ANO2: variants seen among roughly 807,000 people sequenced by gnomAD.
ANO2 encodes anoctamin-2.
ANO2 carries 101 observed loss-of-function variants against 124.2 expected under a neutral mutation model. The ratio of observed to expected loss-of-function variants is 0.81; its 90% CI spans 0.69 to 0.96. The LOEUF is 0.96. Among genes scored for constraint, ANO2 ranks in the 40% least tolerant of loss-of-function variants. The pLI is 0.00. For missense variants in ANO2, 1,293 were observed against 1,274.5 expected, an observed-to-expected ratio of 1.01 and a Z score of -0.22; for synonymous variants, 486 against 482.5, an observed-to-expected ratio of 1.01 and a Z score of -0.09.
chr12:5,667,699 A>AC (rs1225563437), intron 14 of ANO2, among the ~76,000 whole-genome samples: 8 of 151,384 alleles, frequency 5.3e-5, no homozygotes, highest in African/African-American at 1.9e-4. Flanking sequence ...TGCTCTCCCT[A>AC]CCCCCTTCCA....
At chr12:5,690,715 C>T (rs1948894908) in intron 14 of ANO2, among the ~76,000 whole-genome samples, 1 of 152,116 alleles carries the variant, frequency 6.6e-6, no homozygotes, top group South Asian at 2.1e-4. Context: ...ATGACTCTTC[C>T]CTTGAGAAAG....
intron 3 of ANO2, among the ~76,000 whole-genome samples, chr12:5,875,281 C>A (rs1310826838): frequency 6.6e-6 from 1 of 152,206 alleles, no homozygotes; most frequent in Non-Finnish European, 1.5e-5. Context: ...CTAGGACAGA[C>A]CATGAGATAC....
intron 19 of ANO2, among the ~76,000 whole-genome samples, chr12:5,601,504 CCTGT>C (rs1267983199): frequency 6.6e-6 from 1 of 151,794 alleles, no homozygotes. Context: ...TGGTTGTGAT[CCTGT>C]CTGTGAGTCA....
chr12:5,733,703 A>G lies in ANO2; in HGVS notation c.1435-1073T>C, dbSNP rs151103807. 3.9e-5 allele frequency among the ~76,000 whole-genome samples: 6 copies of G among 152,326 alleles called. No individual in the cohort carries two copies. The East Asian group carries it at 1.2e-3, about 29-fold the overall frequency. On this transcript the variant is annotated intron_variant, in intron 13 of 24. Transcript: ENST00000682330. ...ATGTAAGTGACTAACAAGCATAACT[A>G]AAACAACTGCAGGCGGTGCCATTCT...
At chr12:5,837,817 G>A (rs1238110882) in intron 4 of ANO2, among the ~76,000 whole-genome samples, 1 of 151,698 alleles carries the variant, frequency 6.6e-6, no homozygotes, top group Non-Finnish European at 1.5e-5. Flanking sequence ...AAAAGGAAGA[G>A]CAAACACATT....
intron 12 of ANO2, among the ~76,000 whole-genome samples, chr12:5,743,317 C>A (rs147035596): frequency 6.6e-6 from 1 of 152,188 alleles, no homozygotes; most frequent in African/African-American, 2.4e-5. Context: ...CAAGGGCCTG[C>A]ACATTCGGTG....
At chr12:5,583,430 G>A (rs1412495120) in intron 20 of ANO2, among the ~76,000 whole-genome samples, 1 of 151,940 alleles carries the variant, frequency 6.6e-6, no homozygotes, top group Non-Finnish European at 1.5e-5. Context: ...GAGGCGGGCG[G>A]ATCACAAGGT....
intron 16 of ANO2, among the ~76,000 whole-genome samples, chr12:5,634,331 A>G (rs1002676944): frequency 6.6e-6 from 1 of 152,214 alleles, no homozygotes; most frequent in Non-Finnish European, 1.5e-5. Flanking sequence ...TCAAGGGTCC[A>G]TGAATTAAAG....
chr12:5,794,730 C>T (rs538405526), intron 10 of ANO2, among the ~76,000 whole-genome samples: 4 of 152,332 alleles, frequency 2.6e-5, no homozygotes, highest in South Asian at 4.1e-4. Context: ...AGGCCATAAG[C>T]TCTCCCTTCA....
intron 13 of ANO2, chr12:5,732,843 C>T (rs371541027): frequency 4.3e-6 from 7 of 1,613,838 alleles, no homozygotes; most frequent in African/African-American, 1.3e-5. Context: ...ACACAACACT[C>T]GTTATCACAC....
chr12:5,852,087 A>T (rs1428147586), intron 4 of ANO2: 1 of 678,890 alleles, frequency 1.5e-6, no homozygotes, highest in African/African-American at 1.8e-5. Context: ...GTTAGAAGGA[A>T]GACAGAAGAA....
At chr12:5,920,255 T>C (rs2136301597) in intron 3 of ANO2, among the ~76,000 whole-genome samples, 1 of 152,244 alleles carries the variant, frequency 6.6e-6, no homozygotes, top group South Asian at 2.1e-4. Flanking sequence ...AGTTTCCAAA[T>C]ACATCTCAAA....
At chr12:5,588,449 A>G (rs377699680) in intron 20 of ANO2, among the ~76,000 whole-genome samples, 24 of 152,296 alleles carry the variant, frequency 1.6e-4, no homozygotes, top group African/African-American at 5.8e-4. Flanking sequence ...TCTAACCTCA[A>G]TTCCACTAGT....
rs1181172734 is a variant in ANO2 at position 5,732,618 on chromosome 12, G to A, written c.1447C>T (p.Pro483Ser). 1.2e-6 allele frequency: 2 copies of A among 1,613,356 alleles called. No homozygotes were observed. The highest frequency in any genetic ancestry group is 3.3e-5 in the Admixed American group (2 of 59,938). The change falls in exon 14 of 25, where the codon CCT becomes TCT. Residue 483 changes from proline to serine, a missense_variant. Pro to Ser is a moderately conservative substitution (Grantham distance 74). Transcript: ENST00000682330. ...GIEEEEEHSR[P>S]EYETKVREKM... ...TCTCGAACTTTGGTTTCATACTCAGGCCTGGAATGTTCCTAAACCAAAGAG... is the reference window on the plus strand; with the variant it reads ...TCTCGAACTTTGGTTTCATACTCAGACCTGGAATGTTCCTAAACCAAAGAG...
intron 3 of ANO2, among the ~76,000 whole-genome samples, chr12:5,885,436 TAAC>T (rs912612228): frequency 6.6e-6 from 1 of 152,244 alleles, no homozygotes; most frequent in Non-Finnish European, 1.5e-5. Flanking sequence ...AACCAGATGA[TAAC>T]AATAATAACT....
chr12:5,884,852 G>A (rs1188857576), intron 3 of ANO2, among the ~76,000 whole-genome samples: 4 of 152,120 alleles, frequency 2.6e-5, no homozygotes, highest in Non-Finnish European at 5.9e-5. Flanking sequence ...ACAGCCCCCA[G>A]CCAGGACTTC....
intron 19 of ANO2, among the ~76,000 whole-genome samples, chr12:5,602,293 C>T (rs56115975): frequency 0.17 from 25,628 of 151,760 alleles, 2,496 homozygotes; most frequent in Non-Finnish European, 0.22. Context: ...CTGCATAGCC[C>T]AGGATGGGGT....
At chr12:5,616,514 C>T (rs889334401) in intron 16 of ANO2, among the ~76,000 whole-genome samples, 8 of 152,154 alleles carry the variant, frequency 5.3e-5, no homozygotes, top group African/African-American at 1.4e-4. Flanking sequence ...CACAGGGCCA[C>T]AGTCTTCAGA....
At chr12:5,903,279 A>G (rs1940444891) in intron 3 of ANO2, among the ~76,000 whole-genome samples, 1 of 152,228 alleles carries the variant, frequency 6.6e-6, no homozygotes, top group South Asian at 2.1e-4. Flanking sequence ...TTTGGACCTG[A>G]TATTAAGAAA....
Sources: gnomAD v4.1 joint callset for allele counts (sites outside exome capture counted in the v4.1 genomes callset) on GRCh38, gnomAD v4.1.1 for gene constraint, MANE v1.5 for transcripts, NCBI Gene and HGNC (gene_info 2026-07-23, HGNC 2026-07-21) for gene names.